PRKG1: variants seen among roughly 807,000 people sequenced by gnomAD.
PRKG1 encodes the protein cGMP-dependent protein kinase 1.
PRKG1 carries 35 observed loss-of-function variants against 88.1 expected under a neutral mutation model. That is an observed-to-expected ratio of 0.40 (90% CI 0.30 to 0.53). The LOEUF is 0.53. Among genes scored for constraint, PRKG1 ranks in the 20% least tolerant of loss-of-function variants. The pLI is 0.59. For missense variants in PRKG1, 540 were observed against 839.8 expected (o/e 0.64, Z 4.41); for synonymous variants, 303 against 292.5 (o/e 1.04, Z -0.37).
chr10:51,073,778 C>G (rs910143710), upstream of PRKG1, among the ~76,000 whole-genome samples: 2 of 152,156 alleles, frequency 1.3e-5, no homozygotes, highest in African/African-American at 4.8e-5. Flanking sequence ...GGGGGAATTC[C>G]TCGCGGGCGC....
At chr10:51,847,211 T>G (rs1355086498) in intron 4 of PRKG1, among the ~76,000 whole-genome samples, 1 of 152,206 alleles carries the variant, frequency 6.6e-6, no homozygotes, top group Non-Finnish European at 1.5e-5. Flanking sequence ...CAAAAGAATT[T>G]AGTCAATATA....
intron 9 of PRKG1, among the ~76,000 whole-genome samples, chr10:52,174,812 A>G (rs943399608): frequency 2.0e-5 from 3 of 152,026 alleles, no homozygotes; most frequent in African/African-American, 7.2e-5. Context: ...GGCAAGACAT[A>G]TCTGCTTTAT....
At chr10:51,719,156 A>AAAAGAGAG (rs57226820) in intron 3 of PRKG1, among the ~76,000 whole-genome samples, 9 of 150,314 alleles carry the variant, frequency 6.0e-5, no homozygotes, top group East Asian at 5.9e-4. Flanking sequence ...TCTCAAAAAA[A>AAAAGAGAG]AGAGAGAGAG....
At chr10:51,670,180 A>G (rs1229459354) in intron 3 of PRKG1, among the ~76,000 whole-genome samples, 1 of 152,022 alleles carries the variant, frequency 6.6e-6, no homozygotes, top group African/African-American at 2.4e-5. Context: ...TGATATTAAC[A>G]TATCTATATA....
At chr10:51,816,249 A>G (rs939873910) in intron 4 of PRKG1, among the ~76,000 whole-genome samples, 1 of 152,252 alleles carries the variant, frequency 6.6e-6, no homozygotes, top group South Asian at 2.1e-4. Context: ...GACTTAATAC[A>G]TTGATTCATT....
intron 8 of PRKG1, among the ~76,000 whole-genome samples, chr10:52,155,069 T>C (rs571425678): frequency 1.3e-5 from 2 of 152,292 alleles, no homozygotes; most frequent in South Asian, 4.1e-4. Flanking sequence ...GTTCCATATT[T>C]TTGCAATTGT....
chr10:51,197,456 G>A (rs933823394), intron 2 of PRKG1, among the ~76,000 whole-genome samples: 6 of 151,816 alleles, frequency 4.0e-5, no homozygotes, highest in African/African-American at 2.4e-5. Flanking sequence ...ATTTTTAATA[G>A]AGGCGGGGTT....
intron 1 of PRKG1, among the ~76,000 whole-genome samples, chr10:51,138,686 T>TG (rs1349387113): frequency 6.9e-5 from 9 of 130,712 alleles, no homozygotes; most frequent in African/African-American, 2.5e-4. Context: ...TTTTTTTTTT[T>TG]TTTTTTTTTT....
chr10:51,118,055 G>A (rs188017530), intron 1 of PRKG1, among the ~76,000 whole-genome samples: 305 of 152,246 alleles, frequency 2.0e-3, no homozygotes, highest in African/African-American at 6.9e-3. Context: ...GTTGGATGAG[G>A]GGAAGGGAAG....
rs1261166234 is a variant in PRKG1, at chr10:51,834,768, A to AAAAAG, written c.698+30092_698+30096dup. 1.8e-4 allele frequency among the ~76,000 whole-genome samples: 27 copies of AAAAAG among 152,074 alleles called. No homozygotes were observed. In the South Asian group the frequency reaches 5.6e-3, roughly 32 times the overall value. On this transcript the variant is annotated intron_variant, in intron 4 of 17. Coordinates refer to ENST00000373980, the MANE Select transcript of PRKG1 (RefSeq NM_006258.4). Reference sequence around the variant, plus strand: ...AAAGAAAAGAAAGGAAAAGAAAAGAAAAAAGAAAAGAAAAGAAAGTGAGGG... The same window carrying AAAAAG: ...AAAGAAAAGAAAGGAAAAGAAAAGAAAAAAGAAAAGAAAAGAAAAGAAAGTGAGGG...
intron 1 of PRKG1, among the ~76,000 whole-genome samples, chr10:51,088,076 A>G (rs1263700377): frequency 1.3e-5 from 2 of 152,172 alleles, no homozygotes; most frequent in African/African-American, 4.8e-5. Context: ...CTATATTCAA[A>G]TTTTTATTAA....
intron 9 of PRKG1, among the ~76,000 whole-genome samples, chr10:52,172,690 G>A (rs1236621288): frequency 6.6e-6 from 1 of 152,162 alleles, no homozygotes; most frequent in Non-Finnish European, 1.5e-5. Context: ...ATAGCATGCA[G>A]CATAATTCTA....
At chr10:52,286,325 C>T (rs1842115438) in intron 14 of PRKG1, among the ~76,000 whole-genome samples, 1 of 151,904 alleles carries the variant, frequency 6.6e-6, no homozygotes, top group African/African-American at 2.4e-5. Context: ...AGGTATAACC[C>T]AAGTAATTTA....
At chr10:51,706,044 G>A (rs766260283) in intron 3 of PRKG1, among the ~76,000 whole-genome samples, 1 of 152,172 alleles carries the variant, frequency 6.6e-6, no homozygotes, top group African/African-American at 2.4e-5. Context: ...CAGTGCTGTG[G>A]TAACAGATGG....
intron 5 of PRKG1, among the ~76,000 whole-genome samples, chr10:51,985,797 G>A (rs2133118084): frequency 6.6e-6 from 1 of 152,200 alleles, no homozygotes; most frequent in South Asian, 2.1e-4. Flanking sequence ...AGGTGTCTTA[G>A]TCAGTTTGGG....
chr10:51,512,013 G>A (rs1029344553), intron 3 of PRKG1, among the ~76,000 whole-genome samples: 7 of 152,050 alleles, frequency 4.6e-5, no homozygotes, highest in African/African-American at 1.7e-4. Flanking sequence ...GAGCAAAACT[G>A]TCAGTCATAA....
chr10:52,124,525 G>C (rs1176331945), intron 7 of PRKG1, among the ~76,000 whole-genome samples: 3 of 152,190 alleles, frequency 2.0e-5, no homozygotes, highest in African/African-American at 7.2e-5. Flanking sequence ...GTGAGTCAAT[G>C]AGTGAGTGAT....
intron 5 of PRKG1, among the ~76,000 whole-genome samples, chr10:52,008,745 C>A (rs1564427062): frequency 6.6e-6 from 1 of 151,606 alleles, no homozygotes; most frequent in Non-Finnish European, 1.5e-5. Context: ...TTTTTTGGAA[C>A]AGTTTCAACA....
At chr10:51,056,861 G>A (rs1181880024) in intron 1 of PRKG1, among the ~76,000 whole-genome samples, 1 of 152,056 alleles carries the variant, frequency 6.6e-6, no homozygotes, top group Admixed American at 6.6e-5. Flanking sequence ...TCCTTATGCT[G>A]TTCCTACCCC....
Sources: gnomAD v4.1 joint callset for allele counts (sites outside exome capture counted in the v4.1 genomes callset) on GRCh38, gnomAD v4.1.1 for gene constraint, MANE v1.5 for transcripts, NCBI Gene and HGNC (gene_info 2026-07-23, HGNC 2026-07-21) for gene names.